ADAMTS3: variants seen among roughly 807,000 people sequenced by gnomAD.
ADAMTS3 encodes the protein ADAM metallopeptidase with thrombospondin type 1 motif 3, also known as A disintegrin and metalloproteinase with thrombospondin motifs 3.
Under a neutral mutation model 129.0 loss-of-function variants are expected in ADAMTS3, and 73 were observed. That is an observed-to-expected ratio of 0.57 (90% confidence interval 0.47 to 0.69). The LOEUF (loss-of-function observed/expected upper bound fraction) is 0.69, where lower values mean the gene tolerates loss of function less well. Among genes scored for constraint, ADAMTS3 ranks in the 30% least tolerant of loss-of-function variants. The pLI, the probability that ADAMTS3 is intolerant of heterozygous loss-of-function variation, is 0.00. For missense variants in ADAMTS3, 1,457 were observed against 1,514.5 expected, an observed-to-expected ratio of 0.96 and a Z score of 0.63; for synonymous variants, 477 against 510.8, an observed-to-expected ratio of 0.93 and a Z score of 0.89.
At position 72,498,353 on chromosome 4, in the gene ADAMTS3, T is replaced by TA. The variant is rs1001489738; in HGVS notation, c.504+50124dup. ...ATCACGAGCTCTACTCACAGTAATG[T>TA]AAAAAAAAAGACATCAGAACTCAAA... On this transcript the variant is annotated intron_variant, in intron 3 of 21. Coordinates refer to ENST00000286657, the MANE Select transcript of ADAMTS3 (RefSeq NM_014243.3). 8.5e-4 allele frequency among the ~76,000 whole-genome samples: 127 copies of TA among 149,776 alleles called. 1 individual carries two copies. Among genetic ancestry groups the TA allele is most frequent in the African/African-American group, 2.8e-3 (113 of 40,864 alleles).
At chr4:72,380,189 C>T (rs1274763154) in intron 4 of ADAMTS3, among the ~76,000 whole-genome samples, 3 of 152,192 alleles carry the variant, frequency 2.0e-5, no homozygotes, top group East Asian at 3.9e-4. Context: ...AAGTGGATAT[C>T]CTAAGAAGCT....
intron 3 of ADAMTS3, among the ~76,000 whole-genome samples, chr4:72,454,739 A>G (rs1718497536): frequency 6.6e-6 from 1 of 151,696 alleles, no homozygotes; most frequent in Non-Finnish European, 1.5e-5. Context: ...GAAACAGTAC[A>G]CAGTGCCCAG....
chr4:72,522,179 C>G (rs1720692129), intron 3 of ADAMTS3, among the ~76,000 whole-genome samples: 2 of 152,134 alleles, frequency 1.3e-5, no homozygotes, highest in Admixed American at 1.3e-4. Flanking sequence ...CTCCTACACA[C>G]AAATCCATAA....
chr4:72,514,187 G>A (rs1041293812), intron 3 of ADAMTS3, among the ~76,000 whole-genome samples: 1 of 152,098 alleles, frequency 6.6e-6, no homozygotes, highest in Non-Finnish European at 1.5e-5. Context: ...TATGGGCACT[G>A]ATGGGTCCCC....
intron 3 of ADAMTS3, among the ~76,000 whole-genome samples, chr4:72,538,774 C>T (rs570291936): frequency 1.3e-5 from 2 of 152,162 alleles, no homozygotes; most frequent in East Asian, 3.9e-4. Flanking sequence ...TACTACAAAG[C>T]TACAGTAATC....
At chr4:72,557,502 T>C (rs72854334) in intron 2 of ADAMTS3, among the ~76,000 whole-genome samples, 4,519 of 151,990 alleles carry the variant, frequency 0.03, 368 homozygotes, top group African/African-American at 0.1. Flanking sequence ...GTGTGTCTTT[T>C]ATTTTAATTG....
rs117492533 is a variant in ADAMTS3 at position 72,364,791 on chromosome 4, G to C, written c.662-25098C>G. 2.7e-3 allele frequency among the ~76,000 whole-genome samples: 417 copies of C among 152,070 alleles called. 12 individuals are homozygous for C. The East Asian group carries it at 0.054, about 20-fold the overall frequency. On this transcript the variant is annotated intron_variant, in intron 4 of 21. Coordinates refer to ENST00000286657, the MANE Select transcript of ADAMTS3 (RefSeq NM_014243.3). ...TTAAATAGAGACAAGGACTCACTCT[G>C]TTGCCCAGGCTGGTCTCAAACTCAT...
At chr4:72,530,359 T>C (rs1327038899) in intron 3 of ADAMTS3, among the ~76,000 whole-genome samples, 15 of 84,892 alleles carry the variant, frequency 1.8e-4, no homozygotes, top group African/African-American at 7.3e-4. Context: ...ATTAAATTAA[T>C]ATATAAATAT....
rs72656074 is a variant in ADAMTS3 at position 72,550,116 on chromosome 4, A to G, written c.98-1232T>C. On this transcript the variant is annotated intron_variant, in intron 2 of 21. Coordinates refer to ENST00000286657, the MANE Select transcript of ADAMTS3 (RefSeq NM_014243.3). Reference sequence around the variant, plus strand: ...GAAGAAGAAGAAGAAGAAGAAGAAGAAGGCATAGAAAGGGAAATCTAAAAA... The same window carrying G: ...GAAGAAGAAGAAGAAGAAGAAGAAGGAGGCATAGAAAGGGAAATCTAAAAA... Among the ~76,000 whole-genome samples the G allele has an allele frequency of 7.3e-3, 562 of 76,538 alleles. 98 individuals carry two copies. The highest frequency in any genetic ancestry group is 0.01 in the African/African-American group (227 of 22,334). 50.2% of individuals were successfully genotyped at this position (76,538 alleles called of 152,430 possible).
intron 3 of ADAMTS3, among the ~76,000 whole-genome samples, chr4:72,501,234 C>T (rs893585020): frequency 2.0e-5 from 3 of 152,112 alleles, no homozygotes; most frequent in Non-Finnish European, 4.4e-5. Context: ...ATTAATTCTT[C>T]CAATCCATGA....
intron 2 of ADAMTS3, among the ~76,000 whole-genome samples, chr4:72,561,561 C>T (rs543939594): frequency 2.3e-4 from 35 of 151,856 alleles, no homozygotes; most frequent in South Asian, 2.1e-3. Context: ...GGTTCTTACA[C>T]GTAAAGGAAA....
intron 20 of ADAMTS3, among the ~76,000 whole-genome samples, chr4:72,290,335 A>C (rs1718623468): frequency 6.6e-6 from 1 of 152,180 alleles, no homozygotes; most frequent in African/African-American, 2.4e-5. Context: ...GAAAGGTACC[A>C]CCTGGAAGGT....
rs145278683 is a variant in ADAMTS3, at chr4:72,354,922, T to C, written c.662-15229A>G. 5.9e-3 allele frequency among the ~76,000 whole-genome samples: 891 copies of C among 152,098 alleles called. 11 individuals are homozygous for C. Among genetic ancestry groups the C allele is most frequent in the African/African-American group, 0.02 (817 of 41,532 alleles). ...GTGTCTTCTCTTTCCTCATATTCTGTCTTCTACACCTATCCTACATTCTGC... is the reference window on the plus strand; with the variant it reads ...GTGTCTTCTCTTTCCTCATATTCTGCCTTCTACACCTATCCTACATTCTGC... On this transcript the variant is annotated intron_variant, in intron 4 of 21. Coordinates refer to ENST00000286657, the MANE Select transcript of ADAMTS3 (RefSeq NM_014243.3).
At chr4:72,320,688 T>G in intron 7 of ADAMTS3, 26 bp downstream of exon 7, 3 of 1,606,896 alleles carry the variant, frequency 1.9e-6, no homozygotes, top group Non-Finnish European at 2.6e-6. Flanking sequence ...CCCTCAAGTA[T>G]TTCTTCTACA....
rs576763113 is a variant in ADAMTS3 at position 72,450,268 on chromosome 4, C to T, written c.505-35297G>A. Among the ~76,000 whole-genome samples, 6 of 151,606 alleles carry T rather than the reference C, an allele frequency of 4.0e-5. No homozygotes were observed. The East Asian group carries it at 1.2e-3, about 30-fold the overall frequency. Reference sequence around the variant, plus strand: ...CCCTGCTTGAAACCACATTTTTTTTCATTTCACAGATGCACTGAACGGTAC... The same window carrying T: ...CCCTGCTTGAAACCACATTTTTTTTTATTTCACAGATGCACTGAACGGTAC... On this transcript the variant is annotated intron_variant, in intron 3 of 21. Transcript: ENST00000286657.
chr4:72,331,258 C>T (rs1171711528), intron 5 of ADAMTS3, among the ~76,000 whole-genome samples: 1 of 151,892 alleles, frequency 6.6e-6, no homozygotes, highest in African/African-American at 2.4e-5. Context: ...GTGGCTGAAT[C>T]GACTTGTGCT....
At chr4:72,287,967 G>C (rs550581224) in intron 21 of ADAMTS3, among the ~76,000 whole-genome samples, 12 of 152,302 alleles carry the variant, frequency 7.9e-5, no homozygotes, top group African/African-American at 2.2e-4. Context: ...CTGGGTTCAA[G>C]CAATTCTCCT....
intron 4 of ADAMTS3, among the ~76,000 whole-genome samples, chr4:72,377,764 T>C (rs1346306368): frequency 6.6e-6 from 1 of 152,180 alleles, no homozygotes; most frequent in Non-Finnish European, 1.5e-5. Context: ...AAGGACTTTA[T>C]ACTTTGGAGC....
intron 3 of ADAMTS3, among the ~76,000 whole-genome samples, chr4:72,530,555 T>C (rs191484407): frequency 0.011 from 879 of 79,928 alleles, 20 homozygotes; most frequent in African/African-American, 0.044. Flanking sequence ...TTAAAATATA[T>C]TGATTTAAAT....
Sources: gnomAD v4.1 joint callset for allele counts (sites outside exome capture counted in the v4.1 genomes callset) on GRCh38, gnomAD v4.1.1 for gene constraint, MANE v1.5 for transcripts, NCBI Gene and HGNC (gene_info 2026-07-23, HGNC 2026-07-21) for gene names.